The following STK10 variants were observed in gnomAD, a reference collection of about 807,000 sequenced individuals.
The protein encoded by STK10 is serine/threonine-protein kinase 10.
In STK10, 78 loss-of-function variants were observed where a neutral mutation model predicts 113.8. That is an observed-to-expected ratio of 0.69 (90% CI 0.57 to 0.83). The LOEUF is 0.83. STK10 is among the 40% of genes least tolerant of loss of function. The pLI is 0.00. For missense variants in STK10, 1,109 were observed against 1,280.1 expected (o/e 0.87, Z 2.04); for synonymous variants, 465 against 494.7 (o/e 0.94, Z 0.80).
intron 2 of STK10, among the ~76,000 whole-genome samples, chr5:172,147,614 G>A (rs918490463): frequency 2.0e-5 from 3 of 152,086 alleles, no homozygotes; most frequent in Non-Finnish European, 4.4e-5. Flanking sequence ...GGGTGGTCTC[G>A]AACTTCTGAC....
rs1187787036 is a variant in STK10, at chr5:172,043,399, T to C, written c.*1483A>G. 1 of 152,144 alleles carries C rather than the reference T, an allele frequency of 6.6e-6. No homozygotes were observed. The highest frequency in any genetic ancestry group is 1.5e-5 in the Non-Finnish European group (1 of 68,040). The allele number at this position is 152,144 out of a possible 1,614,324, so 9.4% of individuals were successfully genotyped here. On this transcript the variant is annotated 3_prime_UTR_variant, in exon 19 of 19. Transcript: ENST00000176763. The stretch of plus-strand genomic sequence containing the variant: ...GTAGGAGTGAAGGCGGAAAAAGTCC[T>C]CCCAGGAAGTCTCAACCACTCTACC...
intron 8 of STK10, 152 bp downstream of exon 8, chr5:172,096,274 C>CTAA: frequency 7.8e-7 from 1 of 1,279,658 alleles, no homozygotes; most frequent in Middle Eastern, 2.8e-4. Context: ...TGCCATCTTA[C>CTAA]GTTACCTGCA....
At chr5:172,101,704 G>A (rs1768993089) in intron 7 of STK10, among the ~76,000 whole-genome samples, 1 of 152,160 alleles carries the variant, frequency 6.6e-6, no homozygotes, top group South Asian at 2.1e-4. Flanking sequence ...GACTGGGAAT[G>A]TGGGGAGTGT....
At chr5:172,110,421 G>A (rs963493130) in intron 4 of STK10, among the ~76,000 whole-genome samples, 1 of 152,212 alleles carries the variant, frequency 6.6e-6, no homozygotes, top group African/African-American at 2.4e-5. Flanking sequence ...TGTTATTCCC[G>A]TGGTGGCGAC....
rs1345696579 is a variant in STK10 at position 172,161,823 on chromosome 5, G to A, written c.157-5035C>T. The stretch of plus-strand genomic sequence containing the variant: ...GGCGGCAGAGTGGGCTTGGAACTAA[G>A]GCAGTCCCATGCCCAGGTGTGCACA... On this transcript the variant is annotated intron_variant, in intron 1 of 18. Transcript: ENST00000176763. 2.0e-5 allele frequency among the ~76,000 whole-genome samples: 3 copies of A among 152,096 alleles called. No homozygotes were observed. In the East Asian group the frequency reaches 5.8e-4, roughly 29 times the overall value.
intron 18 of STK10, among the ~76,000 whole-genome samples, chr5:172,050,721 T>C (rs1767610068): frequency 6.6e-6 from 1 of 152,052 alleles, no homozygotes; most frequent in Non-Finnish European, 1.5e-5. Context: ...AATTTTTTTT[T>C]TTTTTCTTTT....
At chr5:172,112,416 CTTTTTTTTTT>C (rs1159424183) in intron 4 of STK10, among the ~76,000 whole-genome samples, 1 of 103,074 alleles carries the variant, frequency 9.7e-6, no homozygotes, top group African/African-American at 3.5e-5. Flanking sequence ...AGGGACCTTA[CTTTTTTTTTT>C]TTTTTTTTTT....
Position 172,066,359 on chromosome 5 carries a change from C to T in STK10, c.1990-1547G>A, listed in dbSNP as rs766452545. On this transcript the variant is annotated intron_variant, in intron 12 of 18. Transcript: ENST00000176763. Reference sequence around the variant, plus strand: ...TCACCCTTTTGCTCTCCTGGCTTTGCACCAATTCCAGACCTGCCCAGTAGT... The same window carrying T: ...TCACCCTTTTGCTCTCCTGGCTTTGTACCAATTCCAGACCTGCCCAGTAGT... Among the ~76,000 whole-genome samples, 17 of 152,006 alleles carry T rather than the reference C, an allele frequency of 1.1e-4. 1 individual carries two copies. The Middle Eastern group carries it at 0.017, about 152-fold the overall frequency.
At chr5:172,052,897 G>C in intron 18 of STK10, 32 bp downstream of exon 18, 4 of 1,608,606 alleles carry the variant, frequency 2.5e-6, no homozygotes, top group Non-Finnish European at 3.4e-6. Flanking sequence ...AGCAGAGCCC[G>C]AGACTGAGCC....
intron 12 of STK10, among the ~76,000 whole-genome samples, chr5:172,067,910 C>T (rs1418805558): frequency 1.3e-5 from 2 of 152,006 alleles, no homozygotes; most frequent in African/African-American, 4.8e-5. Flanking sequence ...AACTTGAAAA[C>T]CAAACACTAA....
chr5:172,124,749 C>G (rs1433304492), intron 3 of STK10, among the ~76,000 whole-genome samples: 2 of 152,112 alleles, frequency 1.3e-5, no homozygotes, highest in African/African-American at 4.8e-5. Flanking sequence ...CTAAAAATCT[C>G]AATCACAGGA....
chr5:172,057,493 G>C lies in STK10; in HGVS notation c.2213-20C>G. The C allele has an allele frequency of 6.5e-7, 1 of 1,542,144 alleles. No individual in the cohort carries two copies. Among genetic ancestry groups the C allele is most frequent in the Admixed American group, 2.0e-5 (1 of 50,824 alleles). The stretch of plus-strand genomic sequence containing the variant: ...CCCGGTCTGCAGAGGACATGCCACC[G>C]AGCTGGTGAGGTGCTGACAACCAGA... On this transcript the variant is annotated intron_variant, in intron 14 of 18. Coordinates refer to ENST00000176763, the MANE Select transcript of STK10 (RefSeq NM_005990.4).
At chr5:172,156,516 C>T in intron 2 of STK10, 108 bp downstream of exon 2, 8 of 1,407,082 alleles carry the variant, frequency 5.7e-6, no homozygotes, top group South Asian at 1.5e-5. Flanking sequence ...CCCTAGCCCT[C>T]GTCCTCAAAG....
In STK10 at chr5:172,056,988, AAAGAAAGAGAAAGAAG is replaced by A. The variant is rs1171731729; in HGVS notation, c.2337+345_2337+360del. On this transcript the variant is annotated intron_variant, in intron 15 of 18. Coordinates refer to ENST00000176763, the MANE Select transcript of STK10 (RefSeq NM_005990.4). Reference sequence around the variant, plus strand: ...GAAAGAAAGAAAGAAAGAAAGAAAGAAAGAAAGAGAAAGAAGGAAAGAAAGAAAGAAAGAAAGAAAG... The same window carrying A: ...GAAAGAAAGAAAGAAAGAAAGAAAGAGAAAGAAAGAAAGAAAGAAAGAAAG... 212 of 104,110 alleles carry A rather than the reference AAAGAAAGAGAAAGAAG, an allele frequency of 2.0e-3. 3 individuals carry two copies. The highest frequency in any genetic ancestry group is 6.5e-3 in the South Asian group (22 of 3,408). The allele number at this position is 104,110 out of a possible 1,614,324, so 6.4% of individuals were successfully genotyped here.
intron 2 of STK10, among the ~76,000 whole-genome samples, chr5:172,138,016 A>G (rs958736576): frequency 1.3e-5 from 2 of 152,184 alleles, no homozygotes; most frequent in Non-Finnish European, 2.9e-5. Flanking sequence ...AAAAATGCCC[A>G]CGCTCACCAC....
intron 12 of STK10, among the ~76,000 whole-genome samples, chr5:172,081,935 A>G (rs73801837): frequency 0.043 from 6,491 of 152,144 alleles, 462 homozygotes; most frequent in African/African-American, 0.15. Flanking sequence ...AGGGTGGAGC[A>G]TAGAGGGCAT....
chr5:172,052,672 T>C (rs899307280), intron 18 of STK10, among the ~76,000 whole-genome samples: 2 of 152,250 alleles, frequency 1.3e-5, no homozygotes, highest in African/African-American at 4.8e-5. Flanking sequence ...CAGCGTCCTC[T>C]GTGGACACAT....
chr5:172,084,403 A>AATAATG (rs1768504107), intron 10 of STK10, among the ~76,000 whole-genome samples: 1 of 68,272 alleles, frequency 1.5e-5, no homozygotes, highest in African/African-American at 1.5e-4. Flanking sequence ...TCTGTCTCAA[A>AATAATG]ATAATAATAA....
chr5:172,049,084 AC>A (rs997629501), intron 18 of STK10, among the ~76,000 whole-genome samples: 8 of 149,948 alleles, frequency 5.3e-5, no homozygotes, highest in East Asian at 2.0e-4. Context: ...TCACTTTGTG[AC>A]CCCCCCATGC....
Sources: gnomAD v4.1 joint callset for allele counts (sites outside exome capture counted in the v4.1 genomes callset) on GRCh38, gnomAD v4.1.1 for gene constraint, MANE v1.5 for transcripts, NCBI Gene and HGNC (gene_info 2026-07-23, HGNC 2026-07-21) for gene names.